The following LDLRAD3 variants were observed in gnomAD, a reference collection of about 807,000 sequenced individuals.
The protein encoded by LDLRAD3 is low density lipoprotein receptor class A domain containing 3, also known as low-density lipoprotein receptor class A domain-containing protein 3.
Under a neutral mutation model 29.4 loss-of-function variants are expected in LDLRAD3, and 20 were observed. That is an observed-to-expected ratio of 0.68 (90% CI 0.48 to 0.99). The LOEUF is 0.99. Among genes scored for constraint, LDLRAD3 ranks in the 50% least tolerant of loss-of-function variants. The pLI, the probability that LDLRAD3 is intolerant of heterozygous loss-of-function variation, is 0.00. For missense variants in LDLRAD3, 420 were observed against 454.3 expected (o/e 0.92, Z 0.69); for synonymous variants, 157 against 192.7 (o/e 0.81, Z 1.53).
intron 2 of LDLRAD3, among the ~76,000 whole-genome samples, chr11:36,080,030 C>A (rs1367469853): frequency 1.3e-5 from 2 of 152,188 alleles, no homozygotes; most frequent in Non-Finnish European, 2.9e-5. Context: ...TTTTTGAAAC[C>A]TGGAACATTT....
At chr11:36,082,983 C>T (rs192041816) in intron 3 of LDLRAD3, among the ~76,000 whole-genome samples, 4 of 152,242 alleles carry the variant, frequency 2.6e-5, no homozygotes, top group Admixed American at 1.3e-4. Flanking sequence ...AACAAACTTA[C>T]ACGTTTATTT....
intron 2 of LDLRAD3, among the ~76,000 whole-genome samples, chr11:36,054,981 G>A (rs1852594048): frequency 2.4e-5 from 3 of 122,876 alleles, no homozygotes; most frequent in African/African-American, 3.7e-5. Flanking sequence ...ATGGATGGAT[G>A]GATGGATGGA....
chr11:35,976,919 T>C (rs1263273789), intron 1 of LDLRAD3, among the ~76,000 whole-genome samples: 1 of 152,208 alleles, frequency 6.6e-6, no homozygotes, highest in African/African-American at 2.4e-5. Context: ...TTGCTTTGGC[T>C]TTTTATTTAT....
In LDLRAD3 at chr11:36,112,021, A is replaced by C. The variant is rs970595293; in HGVS notation, c.454+13560A>C. 2.0e-5 allele frequency among the ~76,000 whole-genome samples: 3 copies of C among 152,202 alleles called. No homozygotes were observed. The East Asian group carries it at 5.8e-4, about 29-fold the overall frequency. On this transcript the variant is annotated intron_variant, in intron 4 of 5. Coordinates refer to ENST00000315571, the MANE Select transcript of LDLRAD3 (RefSeq NM_174902.4). Reference sequence around the variant, plus strand: ...TCATGTGTCTGCTGCTCAAATTTGCATCAGTAGGTCAGCTGTTATTGAAAC... The same window carrying C: ...TCATGTGTCTGCTGCTCAAATTTGCCTCAGTAGGTCAGCTGTTATTGAAAC...
In LDLRAD3 at chr11:36,125,257, G is replaced by A. The variant is rs542313980; in HGVS notation, c.454+26796G>A. Among the ~76,000 whole-genome samples the A allele has an allele frequency of 3.3e-5, 5 of 152,280 alleles. No homozygotes were observed. The South Asian group carries it at 1.0e-3, about 32-fold the overall frequency. On this transcript the variant is annotated intron_variant, in intron 4 of 5. Coordinates refer to ENST00000315571, the MANE Select transcript of LDLRAD3 (RefSeq NM_174902.4). ...TCCTGGTACACAGAGGCAGTAGAGT[G>A]CATTAGAGCATGGTCTCTGAAAGCA...
intron 2 of LDLRAD3, among the ~76,000 whole-genome samples, chr11:36,048,288 A>G (rs763231712): frequency 1.1e-4 from 17 of 152,316 alleles, no homozygotes; most frequent in Non-Finnish European, 2.2e-4. Flanking sequence ...GAATCCAGGG[A>G]TCTCTTGATA....
chr11:36,068,557 C>T (rs749218226), intron 2 of LDLRAD3, among the ~76,000 whole-genome samples: 10 of 152,184 alleles, frequency 6.6e-5, no homozygotes, highest in Non-Finnish European at 1.3e-4. Context: ...CACTCTGTCA[C>T]CCAGGCTGGA....
intron 1 of LDLRAD3, among the ~76,000 whole-genome samples, chr11:35,988,395 T>G (rs1851640869): frequency 6.6e-6 from 1 of 152,134 alleles, no homozygotes. Flanking sequence ...GTTCGTGTCT[T>G]TTGCCCACTT....
chr11:36,209,511 C>T (rs1855255328), intron 4 of LDLRAD3, among the ~76,000 whole-genome samples: 1 of 151,960 alleles, frequency 6.6e-6, no homozygotes, highest in Admixed American at 6.6e-5. Context: ...AGGCGCATGC[C>T]AGCATGCCTG....
intron 4 of LDLRAD3, among the ~76,000 whole-genome samples, chr11:36,099,468 G>C (rs1463400280): frequency 6.6e-6 from 1 of 152,148 alleles, no homozygotes; most frequent in Non-Finnish European, 1.5e-5. Flanking sequence ...TGATTCACCT[G>C]TATTGTTTGT....
chr11:36,110,282 C>A (rs1853588190), intron 4 of LDLRAD3, among the ~76,000 whole-genome samples: 1 of 152,184 alleles, frequency 6.6e-6, no homozygotes, highest in Non-Finnish European at 1.5e-5. Context: ...AGGGCTGTTT[C>A]TTTAGTCTCC....
intron 4 of LDLRAD3, among the ~76,000 whole-genome samples, chr11:36,168,993 G>A (rs1014357): frequency 0.071 from 10,755 of 152,164 alleles, 600 homozygotes; most frequent in East Asian, 0.33. Flanking sequence ...AATGACATAT[G>A]AGGAATGACT....
chr11:36,112,155 T>C (rs1853615166), intron 4 of LDLRAD3, among the ~76,000 whole-genome samples: 1 of 152,240 alleles, frequency 6.6e-6, no homozygotes, highest in African/African-American at 2.4e-5. Flanking sequence ...TAGCACATCC[T>C]TTTTAATGCA....
chr11:35,988,149 G>T (rs575575591), intron 1 of LDLRAD3, among the ~76,000 whole-genome samples: 2 of 151,774 alleles, frequency 1.3e-5, no homozygotes, highest in East Asian at 2.0e-4. Context: ...TCTCAATCTC[G>T]TCGGGTCAAG....
intron 4 of LDLRAD3, among the ~76,000 whole-genome samples, chr11:36,104,766 C>T (rs1380796699): frequency 6.6e-6 from 1 of 152,042 alleles, no homozygotes; most frequent in Admixed American, 6.6e-5. Flanking sequence ...GTGGTGGAGC[C>T]AGGATGGGGA....
intron 4 of LDLRAD3, among the ~76,000 whole-genome samples, chr11:36,111,894 G>A (rs1449481303): frequency 1.3e-5 from 2 of 152,210 alleles, no homozygotes; most frequent in Non-Finnish European, 2.9e-5. Context: ...ACCACGCCCG[G>A]CCCAGTCTGG....
At chr11:36,000,569 G>A (rs1851810936) in intron 1 of LDLRAD3, among the ~76,000 whole-genome samples, 1 of 152,156 alleles carries the variant, frequency 6.6e-6, no homozygotes, top group African/African-American at 2.4e-5. Flanking sequence ...CATTTATTAT[G>A]TTAACTATAT....
chr11:36,069,379 C>A (rs895201625), intron 2 of LDLRAD3, among the ~76,000 whole-genome samples: 1 of 152,174 alleles, frequency 6.6e-6, no homozygotes, highest in Non-Finnish European at 1.5e-5. Flanking sequence ...ACAGTTTGAC[C>A]TTTTACCAAA....
At chr11:36,227,040 A>G (rs1855508008) in intron 4 of LDLRAD3, 45 bp from the exon 5 acceptor site, 2 of 1,436,020 alleles carry the variant, frequency 1.4e-6, no homozygotes, top group Non-Finnish European at 1.9e-6. Context: ...AGATTAGCCA[A>G]ACTGGTAACC....
Sources: allele counts gnomAD v4.1 joint callset (sites outside exome capture counted in the v4.1 genomes callset), GRCh38; gene constraint gnomAD v4.1.1; transcripts MANE v1.5; gene names NCBI Gene and HGNC (gene_info 2026-07-23, HGNC 2026-07-21).